Variants in ACSBG2 observed in about 807,000 individuals in gnomAD.
The protein encoded by ACSBG2 is acyl-CoA synthetase bubblegum family member 2.
ACSBG2 carries 62 observed loss-of-function variants against 74.7 expected under a neutral mutation model. The observed-to-expected ratio is 0.83, with a 90% CI of 0.68 to 1.03. ACSBG2 has a LOEUF of 1.03. Among genes scored for constraint, ACSBG2 ranks in the 50% least tolerant of loss-of-function variants. ACSBG2 has a pLI of 0.00. For synonymous variants in ACSBG2, 309 were observed against 294.1 expected, an observed-to-expected ratio of 1.05 and a Z score of -0.52; for missense variants, 730 against 817.6, an observed-to-expected ratio of 0.89 and a Z score of 1.31.
At chr19:6,176,469 T>C in intron 7 of ACSBG2, 1 of 1,283,026 alleles carries the variant, frequency 7.8e-7, no homozygotes, top group Non-Finnish European at 1.1e-6. Flanking sequence ...CAATCCAAGG[T>C]GCCTTATACT....
chr19:6,181,221 C>CAAA (rs1157571006), intron 8 of ACSBG2, among the ~76,000 whole-genome samples: 358 of 29,170 alleles, frequency 0.012, 4 homozygotes, highest in East Asian at 0.026. Context: ...GAGACTGTGT[C>CAAA]AAAAAAAAAA....
chr19:6,170,443 A>C (rs951320991), intron 7 of ACSBG2, among the ~76,000 whole-genome samples: 11 of 152,112 alleles, frequency 7.2e-5, no homozygotes, highest in African/African-American at 2.7e-4. Flanking sequence ...CTTAAAAAGT[A>C]TCTTTATTTT....
At chr19:6,156,648 A>T in intron 5 of ACSBG2, 97 bp downstream of exon 5, 1 of 1,313,784 alleles carries the variant, frequency 7.6e-7, no homozygotes, top group Non-Finnish European at 1.0e-6. Context: ...TCTAATGATA[A>T]GATAGGGCCA....
At chr19:6,182,675 G>GGGT in intron 8 of ACSBG2, 76 bp from the exon 9 acceptor site, 1 of 1,408,442 alleles carries the variant, frequency 7.1e-7, no homozygotes, top group Non-Finnish European at 9.8e-7. Flanking sequence ...GGGCAAAGTT[G>GGGT]GGTGGATCAG....
intron 10 of ACSBG2, among the ~76,000 whole-genome samples, chr19:6,183,834 T>A (rs1264929280): frequency 6.6e-6 from 1 of 152,162 alleles, no homozygotes; most frequent in African/African-American, 2.4e-5. Context: ...GGGTCTCACT[T>A]TGTTGCCCAG....
chr19:6,190,808 T>TACACACACAC (rs1161207580), intron 14 of ACSBG2, 116 bp downstream of exon 14: 3 of 387,570 alleles, frequency 7.7e-6, no homozygotes, highest in Non-Finnish European at 9.4e-6. Context: ...CATACACACA[T>TACACACACAC]ACATACACAC....
Position 6,156,626 on chromosome 19 carries a change from T to TC in ACSBG2, c.507+78dup, listed in dbSNP as rs1419910676. On this transcript the variant is annotated intron_variant, in intron 5 of 14. Coordinates refer to ENST00000588485, the MANE Select transcript of ACSBG2 (RefSeq NM_030924.5). The stretch of plus-strand genomic sequence containing the variant: ...GGGCTCTGGGCAGGTGTTCTTTTTT[T>TC]CCCAGGTAAATTCTAATGATAAGAT... The TC allele has an allele frequency of 2.8e-6, 4 of 1,418,544 alleles. No homozygotes were observed. The Admixed American group carries it at 8.2e-5, about 29-fold the overall frequency. The allele number at this position is 1,418,544 out of a possible 1,614,324, so 87.9% of individuals were successfully genotyped here.
chr19:6,185,699 C>T, intron 11 of ACSBG2, 46 bp downstream of exon 11: 5 of 1,603,086 alleles, frequency 3.1e-6, no homozygotes, highest in Non-Finnish European at 4.3e-6. Flanking sequence ...AGCAGGCCCA[C>T]CCTGAACATT....
At chr19:6,147,921 T>C (rs1396100403) in intron 3 of ACSBG2, among the ~76,000 whole-genome samples, 3 of 152,030 alleles carry the variant, frequency 2.0e-5, no homozygotes, top group African/African-American at 4.8e-5. Flanking sequence ...AATTTTTATA[T>C]ATGCAAATTT....
At chr19:6,143,383 C>CA (rs56118743) in intron 2 of ACSBG2, among the ~76,000 whole-genome samples, 87,853 of 150,090 alleles carry the variant, frequency 0.59, 26,678 homozygotes, top group Admixed American at 0.68. Flanking sequence ...GACTCTGTCT[C>CA]AAAAAAACAA....
intron 7 of ACSBG2, among the ~76,000 whole-genome samples, chr19:6,168,499 C>G (rs541057031): frequency 6.6e-6 from 1 of 152,176 alleles, no homozygotes; most frequent in Non-Finnish European, 1.5e-5. Flanking sequence ...TCCTTGAGGT[C>G]AGGGGTTTTC....
intron 3 of ACSBG2, among the ~76,000 whole-genome samples, chr19:6,150,041 A>G (rs927441276): frequency 2.0e-5 from 3 of 151,942 alleles, no homozygotes; most frequent in Non-Finnish European, 4.4e-5. Context: ...TTGAAGCTGC[A>G]GTGAGCTATG....
rs2090298990 is a variant in ACSBG2 at position 6,182,865 on chromosome 19, T to G, written c.1021T>G (p.Leu341Val). 1 of 1,614,192 alleles carries G rather than the reference T, an allele frequency of 6.2e-7. No homozygotes were observed. Among genetic ancestry groups the G allele is most frequent in the Non-Finnish European group, 8.5e-7 (1 of 1,180,040 alleles). Residue 341 changes from leucine to valine, a missense_variant, in exon 9 of 15, where the codon TTG (leucine) becomes GTG (valine). Transcript: ENST00000588485. ...GAAAAATAGTGCCAAGTCCATGGGC[T>G]TGAAGAAGAAGGCATTCGTGTGGGC... Reference protein sequence around the residue: ...VKKNSAKSMGLKKKAFVWARN... With the variant: ...VKKNSAKSMGVKKKAFVWARN...
At chr19:6,192,608 G>A (rs1019657769) in intron 14 of ACSBG2, 60 bp from the exon 15 acceptor site, 1 of 152,170 alleles carries the variant, frequency 6.6e-6, no homozygotes, top group Non-Finnish European at 1.5e-5. Context: ...GGATCTTGGA[G>A]ACTGAATGCA....
chr19:6,144,461 T>G (rs2088957948), intron 2 of ACSBG2, among the ~76,000 whole-genome samples: 1 of 152,162 alleles, frequency 6.6e-6, no homozygotes, highest in Non-Finnish European at 1.5e-5. Flanking sequence ...CCAAGGAATG[T>G]CAAGGATTGC....
chr19:6,147,760 C>T (rs181467954), intron 3 of ACSBG2, 85 bp downstream of exon 3: 23 of 1,433,756 alleles, frequency 1.6e-5, no homozygotes, highest in Non-Finnish European at 3.9e-6. Context: ...ACAAAATTCA[C>T]AAGGCACCAA....
chr19:6,139,263 G>T (rs2088727233), intron 1 of ACSBG2, among the ~76,000 whole-genome samples: 1 of 151,658 alleles, frequency 6.6e-6, no homozygotes, highest in African/African-American at 2.4e-5. Context: ...AATTTTTTTT[G>T]TATTTTTAAT....
intron 1 of ACSBG2, among the ~76,000 whole-genome samples, chr19:6,137,634 GTATTTATGTATT>G (rs1312759295): frequency 6.6e-6 from 1 of 151,144 alleles, no homozygotes; most frequent in African/African-American, 2.4e-5. Context: ...ATTTATTTAT[GTATTTATGTATT>G]TATTTATTTA....
chr19:6,188,633 C>CA (rs950184754), intron 13 of ACSBG2, among the ~76,000 whole-genome samples: 11 of 152,006 alleles, frequency 7.2e-5, no homozygotes, highest in African/African-American at 2.7e-4. Context: ...GTCTCAAAAA[C>CA]AAAAAACAAA....
Sources: gnomAD v4.1 joint callset for allele counts (sites outside exome capture counted in the v4.1 genomes callset) on GRCh38, gnomAD v4.1.1 for gene constraint, MANE v1.5 for transcripts, NCBI Gene and HGNC (gene_info 2026-07-23, HGNC 2026-07-21) for gene names.